Variants in NRDC observed in about 807,000 individuals in gnomAD.
NRDC encodes nardilysin.
NRDC carries 54 observed loss-of-function variants against 147.1 expected under a neutral mutation model. The ratio of observed to expected loss-of-function variants is 0.37; its 90% confidence interval spans 0.29 to 0.46. NRDC has a LOEUF of 0.46. NRDC is among the 20% of genes least tolerant of loss of function. The pLI, the probability that NRDC is intolerant of heterozygous loss-of-function variation, is 1.00. For synonymous variants in NRDC, 440 were observed against 482.1 expected (o/e 0.91, Z 1.14); for missense variants, 1,082 against 1,370.6 (o/e 0.79, Z 3.33).
At chr1:51,805,934 G>C (rs1458354597) in intron 18 of NRDC, among the ~76,000 whole-genome samples, 1 of 152,116 alleles carries the variant, frequency 6.6e-6, no homozygotes, top group African/African-American at 2.4e-5. Context: ...AACTGAATTT[G>C]AGGAGATTTT....
chr1:51,791,940 TGGAA>T, intron 26 of NRDC, 102 bp downstream of exon 26: 1 of 1,157,786 alleles, frequency 8.6e-7, no homozygotes, highest in South Asian at 1.3e-5. Flanking sequence ...CCCTATGAGA[TGGAA>T]GGAAGCTCTA....
chr1:51,809,159 T>C (rs1376897455), intron 17 of NRDC, among the ~76,000 whole-genome samples, 156 bp downstream of exon 17: 1 of 152,242 alleles, frequency 6.6e-6, no homozygotes, highest in Admixed American at 6.5e-5. Context: ...CCCAGTTTTC[T>C]CATTTGGAAA....
intron 7 of NRDC, 22 bp from the exon 8 acceptor site, chr1:51,821,577 A>G: frequency 1.3e-6 from 2 of 1,538,538 alleles, no homozygotes; most frequent in Non-Finnish European, 9.0e-7. Flanking sequence ...AGGGCAGGGA[A>G]GAGACAGGAA....
intron 2 of NRDC, 130 bp from the exon 3 acceptor site, chr1:51,836,342 C>G: frequency 6.2e-7 from 1 of 1,608,664 alleles, no homozygotes; most frequent in Non-Finnish European, 8.5e-7. Context: ...CCCTGAGAAT[C>G]AGGAGGAGCA....
At chr1:51,821,120 T>TA (rs1186103977) in intron 8 of NRDC, among the ~76,000 whole-genome samples, 3 of 151,748 alleles carry the variant, frequency 2.0e-5, no homozygotes, top group East Asian at 1.9e-4. Context: ...ACAACTGACT[T>TA]AAAAAAAACA....
chr1:51,849,590 A>G (rs1395080752), intron 1 of NRDC, among the ~76,000 whole-genome samples: 1 of 151,410 alleles, frequency 6.6e-6, no homozygotes, highest in Non-Finnish European at 1.5e-5. Flanking sequence ...GTGGAGGTGG[A>G]TGGATCACGA....
intron 1 of NRDC, among the ~76,000 whole-genome samples, chr1:51,840,910 T>A (rs139998991): frequency 6.6e-6 from 1 of 152,312 alleles, no homozygotes; most frequent in East Asian, 1.9e-4. Context: ...TAAGATAAAT[T>A]GTATCCCTCA....
chr1:51,816,395 A>T lies in NRDC; in HGVS notation c.1362-6T>A. On this transcript the variant is annotated splice_region_variant and splice_polypyrimidine_tract_variant and intron_variant, in intron 10 of 30. Transcript: ENST00000352171. ...TATAATGAAGTGGCTTCACCCTTTT[A>T]AAAAAATTTAATGGTCAGAAGAAAA... 1 of 1,549,396 alleles carries T rather than the reference A, an allele frequency of 6.5e-7. No homozygotes were observed. Among genetic ancestry groups the T allele is most frequent in the Non-Finnish European group, 8.7e-7 (1 of 1,144,906 alleles).
intron 1 of NRDC, among the ~76,000 whole-genome samples, chr1:51,842,905 A>G (rs71653013): frequency 0.045 from 6,864 of 151,992 alleles, 192 homozygotes; most frequent in Middle Eastern, 0.065. Context: ...ATCTCTACAA[A>G]AAAAAATACA....
At chr1:51,869,901 C>G (rs573051397) in intron 1 of NRDC, among the ~76,000 whole-genome samples, 3 of 152,210 alleles carry the variant, frequency 2.0e-5, no homozygotes, top group Non-Finnish European at 4.4e-5. Context: ...TAAAACTGGC[C>G]AAAATACACT....
intron 2 of NRDC, among the ~76,000 whole-genome samples, chr1:51,839,050 T>C (rs1681127541): frequency 6.6e-6 from 1 of 152,082 alleles, no homozygotes; most frequent in Admixed American, 6.6e-5. Flanking sequence ...ACTGGTACAA[T>C]CTTTCTTTTT....
At chr1:51,855,830 G>A (rs1381941300) in intron 1 of NRDC, among the ~76,000 whole-genome samples, 7 of 151,874 alleles carry the variant, frequency 4.6e-5, no homozygotes, top group East Asian at 1.9e-4. Flanking sequence ...CCAAGATTGC[G>A]CCATGGCACT....
chr1:51,813,889 A>G (rs1444630688), intron 14 of NRDC, 146 bp downstream of exon 14: 1 of 615,754 alleles, frequency 1.6e-6, no homozygotes, highest in Admixed American at 3.0e-5. Context: ...GTTAATTTTC[A>G]GATAGCTTCA....
At chr1:51,827,603 A>C (rs906093225) in intron 5 of NRDC, among the ~76,000 whole-genome samples, 193 bp downstream of exon 5, 1 of 152,108 alleles carries the variant, frequency 6.6e-6, no homozygotes, top group African/African-American at 2.4e-5. Flanking sequence ...AAAATCCACC[A>C]TCCTTTTCAT....
chr1:51,819,281 G>A (rs112284593), intron 9 of NRDC, among the ~76,000 whole-genome samples: 1,940 of 150,158 alleles, frequency 0.013, 46 homozygotes, highest in African/African-American at 0.046. Context: ...CTGGGCAACA[G>A]AGCGAGACTC....
rs535309342 is a variant in NRDC at position 51,874,657 on chromosome 1, C to G, written c.341+3618G>C. ...ATAAATAGAATACACCACTACTAATCCTGCCCAACCAGAATTTCCACTCAA... is the reference window on the plus strand; with the variant it reads ...ATAAATAGAATACACCACTACTAATGCTGCCCAACCAGAATTTCCACTCAA... On this transcript the variant is annotated intron_variant, in intron 1 of 30. Coordinates refer to ENST00000352171, the MANE Select transcript of NRDC (RefSeq NM_001101662.2). 3.3e-5 allele frequency among the ~76,000 whole-genome samples: 5 copies of G among 152,150 alleles called. No homozygotes were observed. The South Asian group carries it at 1.0e-3, about 32-fold the overall frequency.
At chr1:51,829,916 T>C (rs1055009615) in intron 4 of NRDC, among the ~76,000 whole-genome samples, 13 of 152,082 alleles carry the variant, frequency 8.5e-5, no homozygotes, top group African/African-American at 3.1e-4. Context: ...TAGGTCATAT[T>C]TGACAGTTTC....
At chr1:51,794,911 A>C (rs1465117036) in intron 22 of NRDC, 57 bp from the exon 23 acceptor site, 1 of 1,607,784 alleles carries the variant, frequency 6.2e-7, no homozygotes, top group Non-Finnish European at 8.5e-7. Flanking sequence ...TTTCACCCAG[A>C]ATCAGCTAAT....
rs545404708 is a variant in NRDC, at chr1:51,802,640, G to A, written c.2313+1174C>T. ...CATTTTATCAGTTAATGTAATGTCC[G>A]CTGATAGTTCTTTACTGATGGCGTC... On this transcript the variant is annotated intron_variant, in intron 20 of 30. Transcript: ENST00000352171. 2.0e-5 allele frequency among the ~76,000 whole-genome samples: 3 copies of A among 152,258 alleles called. No individual in the cohort carries two copies. The South Asian group carries it at 6.2e-4, about 32-fold the overall frequency.
Sources: allele counts gnomAD v4.1 joint callset (sites outside exome capture counted in the v4.1 genomes callset), GRCh38; gene constraint gnomAD v4.1.1; transcripts MANE v1.5; gene names NCBI Gene and HGNC (gene_info 2026-07-23, HGNC 2026-07-21).